Variants in PDE10A observed in about 807,000 individuals in gnomAD.
PDE10A encodes the protein cAMP and cAMP-inhibited cGMP 3',5'-cyclic phosphodiesterase 10A.
PDE10A carries 39 observed loss-of-function variants against 97.7 expected under a neutral mutation model. That is an observed-to-expected ratio of 0.40 (90% CI 0.31 to 0.52). PDE10A has a LOEUF of 0.52. PDE10A is among the 20% of genes least tolerant of loss of function. The pLI, the probability that PDE10A is intolerant of heterozygous loss-of-function variation, is 0.56. For synonymous variants in PDE10A, 371 were observed against 376.8 expected (o/e 0.98, Z 0.18); for missense variants, 731 against 1,047.8 (o/e 0.70, Z 4.17).
chr6:165,829,650 G>A (rs1002016559), intron 1 of PDE10A, among the ~76,000 whole-genome samples: 6 of 152,148 alleles, frequency 3.9e-5, no homozygotes, highest in Admixed American at 1.3e-4. Context: ...AAAAGTGATC[G>A]GATCTCTCGA....
intron 21 of PDE10A, among the ~76,000 whole-genome samples, chr6:165,335,068 G>A (rs574195309): frequency 4.7e-4 from 72 of 152,242 alleles, no homozygotes; most frequent in Non-Finnish European, 8.5e-4. Flanking sequence ...AGACTCACAC[G>A]CACAGCTGCT....
At chr6:165,487,661 A>G (rs1045236689) in intron 2 of PDE10A, among the ~76,000 whole-genome samples, 6 of 152,138 alleles carry the variant, frequency 3.9e-5, no homozygotes, top group Non-Finnish European at 8.8e-5. Context: ...CAAGGTGCCT[A>G]ACTTCTGCCA....
intron 1 of PDE10A, among the ~76,000 whole-genome samples, chr6:165,828,986 T>A (rs529890555): frequency 1.3e-5 from 2 of 152,374 alleles, no homozygotes; most frequent in Admixed American, 6.5e-5. Flanking sequence ...CTATCTTAGA[T>A]CCTGCCTCCA....
At chr6:165,478,349 C>T (rs1328923147) in intron 3 of PDE10A, among the ~76,000 whole-genome samples, 1 of 152,136 alleles carries the variant, frequency 6.6e-6, no homozygotes, top group East Asian at 1.9e-4. Context: ...AAAGACTGTC[C>T]TCTTAGCCAA....
chr6:165,402,954 C>T (rs539972490), intron 13 of PDE10A, among the ~76,000 whole-genome samples: 92 of 152,196 alleles, frequency 6.0e-4, no homozygotes, highest in Non-Finnish European at 1.1e-3. Context: ...ACTTTAGGGT[C>T]GGGCAACTCT....
In PDE10A at chr6:165,854,943, T is replaced by C. The variant is rs564965253; in HGVS notation, c.-615+132586A>G. 2.6e-5 allele frequency among the ~76,000 whole-genome samples: 4 copies of C among 152,170 alleles called. No homozygotes were observed. The East Asian group carries it at 7.8e-4, about 30-fold the overall frequency. On this transcript the variant is annotated intron_variant, in intron 1 of 19. Transcript: ENST00000366882. ...AAGGTTTGTGAGGCGGCTGCGCCCC[T>C]GCCTGGAGAGGGAGGCCCAGTTTAG...
At chr6:165,969,826 A>G (rs1325292141) in intron 1 of PDE10A, among the ~76,000 whole-genome samples, 1 of 152,218 alleles carries the variant, frequency 6.6e-6, no homozygotes, top group Non-Finnish European at 1.5e-5. Flanking sequence ...ATTGAATAAA[A>G]TAGGAAACCA....
At chr6:165,381,517 A>G (rs1784923078) in intron 17 of PDE10A, among the ~76,000 whole-genome samples, 1 of 152,112 alleles carries the variant, frequency 6.6e-6, no homozygotes, top group Admixed American at 6.5e-5. Context: ...CTCTGTCACC[A>G]GGCTGGAGTG....
chr6:165,518,240 T>C (rs1781930168), intron 2 of PDE10A, among the ~76,000 whole-genome samples: 1 of 152,064 alleles, frequency 6.6e-6, no homozygotes. Flanking sequence ...CAAACATGAG[T>C]AGGTAGGGTC....
rs547907187 is a variant in PDE10A, at chr6:165,440,329, T to C, written c.1195-4952A>G. Among the ~76,000 whole-genome samples the C allele has an allele frequency of 1.4e-3, 219 of 152,394 alleles. 1 individual carries two copies. The highest frequency in any genetic ancestry group is 5.0e-3 in the African/African-American group (207 of 41,602). On this transcript the variant is annotated intron_variant, in intron 5 of 21. Transcript: ENST00000539869. The stretch of plus-strand genomic sequence containing the variant: ...TGCAGTATTTCTGGTGAATGTTTAA[T>C]GTATACATACTGAAGGTAAAACTTA...
chr6:165,678,337 G>C (rs540971641), intron 1 of PDE10A, among the ~76,000 whole-genome samples: 1 of 115,222 alleles, frequency 8.7e-6, no homozygotes, highest in South Asian at 3.4e-4. Flanking sequence ...CCTTCTGTTT[G>C]TTTCTCAGGA....
Position 165,819,680 on chromosome 6 carries a change from G to C in PDE10A, c.-615+167849C>G, listed in dbSNP as rs1779515175. Among the ~76,000 whole-genome samples, 1 of 152,194 alleles carries C rather than the reference G, an allele frequency of 6.6e-6. No individual in the cohort carries two copies. Among genetic ancestry groups the C allele is most frequent in the South Asian group, 2.1e-4 (1 of 4,828 alleles). ...AAACCTTTGCCAAGGCTGTCAGTGT[G>C]CTGGATTTCACTGACTGTGCACCAC... On this transcript the variant is annotated intron_variant, in intron 1 of 19. Transcript: ENST00000366882. The surrounding 1 kb of genome is among the most constrained non-coding windows in gnomAD (Gnocchi z 4.2).
chr6:165,478,763 A>G (rs1779435634), intron 3 of PDE10A, among the ~76,000 whole-genome samples: 1 of 152,172 alleles, frequency 6.6e-6, no homozygotes, highest in Non-Finnish European at 1.5e-5. Context: ...AGAGCTCTGA[A>G]ACCTGCTACT....
chr6:165,784,968 C>T (rs748313793), intron 1 of PDE10A, among the ~76,000 whole-genome samples: 1 of 152,126 alleles, frequency 6.6e-6, no homozygotes, highest in South Asian at 2.1e-4. Context: ...TCCTTTATCC[C>T]GCAAAGTGTC....
intron 1 of PDE10A, among the ~76,000 whole-genome samples, chr6:165,657,614 GT>G (rs1790032586): frequency 6.6e-6 from 1 of 152,230 alleles, no homozygotes; most frequent in African/African-American, 2.4e-5. Context: ...AGTGGAAAAA[GT>G]TTTACATGCA....
In PDE10A at chr6:165,482,306, A is replaced by G. The variant is rs1428839071; in HGVS notation, c.1023+9T>C. 6.4e-7 allele frequency: 1 copy of G among 1,573,098 alleles called. No homozygotes were observed. Among genetic ancestry groups the G allele is most frequent in the Non-Finnish European group, 8.7e-7 (1 of 1,142,876 alleles). ...CTGCAGTAGTAGAAATAATATTCAC[A>G]TCACTTACCCTGCTGACTTCCTTAG... On this transcript the variant is annotated intron_variant, in intron 3 of 21. Coordinates refer to ENST00000539869, the MANE Select transcript of PDE10A (RefSeq NM_001385079.1).
intron 1 of PDE10A, among the ~76,000 whole-genome samples, chr6:165,753,480 A>G (rs1793052440): frequency 6.6e-6 from 1 of 152,232 alleles, no homozygotes; most frequent in Non-Finnish European, 1.5e-5. Flanking sequence ...ATTTCATGTT[A>G]CAGAAGCTTT....
chr6:165,613,583 G>C (rs1787595514), intron 1 of PDE10A, among the ~76,000 whole-genome samples: 1 of 152,158 alleles, frequency 6.6e-6, no homozygotes, highest in Non-Finnish European at 1.5e-5. Context: ...TGAGGCTGCA[G>C]TGAGCCAAGA....
chr6:165,627,657 A>G (rs977503777), intron 1 of PDE10A, among the ~76,000 whole-genome samples: 5 of 152,344 alleles, frequency 3.3e-5, no homozygotes, highest in African/African-American at 1.2e-4. Context: ...AGAGTAATCA[A>G]ACACCACACA....
Sources: gnomAD v4.1 joint callset for allele counts (sites outside exome capture counted in the v4.1 genomes callset) on GRCh38, gnomAD v4.1.1 for gene constraint, Gnocchi (gnomAD v3.1) non-coding constraint, MANE v1.5 for transcripts, NCBI Gene and HGNC (gene_info 2026-07-23, HGNC 2026-07-21) for gene names.